Variants in SRPK2 observed in about 807,000 individuals in gnomAD.
SRPK2 encodes the protein SRSF protein kinase 2.
Under a neutral mutation model 90.8 loss-of-function variants are expected in SRPK2, and 21 were observed. The ratio of observed to expected loss-of-function variants is 0.23; its 90% confidence interval spans 0.16 to 0.33. The LOEUF (loss-of-function observed/expected upper bound fraction) is 0.33, where lower values mean the gene tolerates loss of function less well. SRPK2 is among the 10% of genes least tolerant of loss of function. The pLI is 1.00. For synonymous variants in SRPK2, 288 were observed against 311.1 expected (o/e 0.93, Z 0.78); for missense variants, 620 against 869.0 (o/e 0.71, Z 3.60).
Position 105,165,755 on chromosome 7 carries a change from C to T in SRPK2, c.514+1622G>A, listed in dbSNP as rs185196540. Among the ~76,000 whole-genome samples the T allele has an allele frequency of 3.3e-5, 5 of 152,308 alleles. No homozygotes were observed. The East Asian group carries it at 7.7e-4, about 24-fold the overall frequency. On this transcript the variant is annotated intron_variant, in intron 6 of 15. Transcript: ENST00000393651. ...AATGAGGGAATAAAAGCTGGCCACCCGAACCAGCAGCAGCAACCTGCTTGG... is the reference window on the plus strand; with the variant it reads ...AATGAGGGAATAAAAGCTGGCCACCTGAACCAGCAGCAGCAACCTGCTTGG...
At chr7:105,208,975 T>G (rs1302475262) in intron 2 of SRPK2, among the ~76,000 whole-genome samples, 10 of 151,234 alleles carry the variant, frequency 6.6e-5, no homozygotes, top group African/African-American at 2.4e-4. Flanking sequence ...AACAATAAAT[T>G]TTTAAAAAAA....
At chr7:105,393,551 A>G (rs2132912079), upstream of SRPK2, among the ~76,000 whole-genome samples, 1 of 137,882 alleles carries the variant, frequency 7.3e-6, no homozygotes, top group South Asian at 2.3e-4. Flanking sequence ...TTTTGGTATC[A>G]ATATTGACAA....
intron 2 of SRPK2, among the ~76,000 whole-genome samples, chr7:105,318,999 C>A (rs764200995): frequency 2.2e-4 from 33 of 152,160 alleles, no homozygotes; most frequent in Admixed American, 4.6e-4. Context: ...AAACAAAACC[C>A]AAGCAATATT....
At chr7:105,197,056 T>C (rs1382258424) in intron 3 of SRPK2, among the ~76,000 whole-genome samples, 1 of 150,786 alleles carries the variant, frequency 6.6e-6, no homozygotes, top group Non-Finnish European at 1.5e-5. Flanking sequence ...TCATAAAAAA[T>C]AAAATAAAAT....
chr7:105,280,361 G>A (rs947996773), intron 2 of SRPK2, among the ~76,000 whole-genome samples: 1 of 151,554 alleles, frequency 6.6e-6, no homozygotes, highest in South Asian at 2.1e-4. Context: ...GTTGCAGTGA[G>A]AGCGAAGACT....
intron 2 of SRPK2, chr7:105,244,705 C>A: frequency 8.7e-7 from 1 of 1,151,290 alleles, no homozygotes; most frequent in Non-Finnish European, 1.3e-6. Context: ...AAAAGGTGAC[C>A]AAGAACGTGA....
At chr7:105,128,001 C>T (rs1380749456) in intron 13 of SRPK2, among the ~76,000 whole-genome samples, 1 of 152,174 alleles carries the variant, frequency 6.6e-6, no homozygotes, top group Non-Finnish European at 1.5e-5. Flanking sequence ...ACTGGGGAAA[C>T]TTCACTGCAT....
At chr7:105,125,851 G>C (rs1229707530) in intron 15 of SRPK2, 1 of 1,301,226 alleles carries the variant, frequency 7.7e-7, no homozygotes, top group Non-Finnish European at 1.0e-6. Flanking sequence ...TTCCCCAGCA[G>C]TTCAATGATC....
intron 3 of SRPK2, among the ~76,000 whole-genome samples, chr7:105,202,039 C>G (rs897125206): frequency 6.6e-6 from 1 of 152,096 alleles, no homozygotes; most frequent in South Asian, 2.1e-4. Context: ...TCTATCTTTT[C>G]TTTTACTAGA....
At chr7:105,248,848 C>T (rs1051206149) in intron 2 of SRPK2, among the ~76,000 whole-genome samples, 3 of 151,460 alleles carry the variant, frequency 2.0e-5, no homozygotes, top group Non-Finnish European at 2.9e-5. Flanking sequence ...ACGGCGTGAA[C>T]CCGGGAGGCA....
intron 2 of SRPK2, among the ~76,000 whole-genome samples, chr7:105,311,074 G>A (rs1302863561): frequency 6.6e-6 from 1 of 151,828 alleles, no homozygotes; most frequent in Non-Finnish European, 1.5e-5. Flanking sequence ...GCTGTTTTGG[G>A]CATCAAAGGA....
intron 2 of SRPK2, among the ~76,000 whole-genome samples, chr7:105,342,376 A>C (rs1815927004): frequency 6.6e-6 from 1 of 150,980 alleles, no homozygotes; most frequent in Admixed American, 6.6e-5. Flanking sequence ...AAATAAAAAT[A>C]TAAATGGGAA....
intron 2 of SRPK2, chr7:105,268,966 A>G (rs1377753050): frequency 1.4e-6 from 2 of 1,430,892 alleles, no homozygotes; most frequent in Non-Finnish European, 1.9e-6. Flanking sequence ...TTTTGTTCAG[A>G]ATGAGGCCAC....
At chr7:105,134,737 G>T (rs1802548157) in intron 11 of SRPK2, among the ~76,000 whole-genome samples, 1 of 152,200 alleles carries the variant, frequency 6.6e-6, no homozygotes, top group Non-Finnish European at 1.5e-5. Context: ...AGGACCTAGG[G>T]TGCCCACACA....
chr7:105,169,665 T>A (rs1458288834), intron 3 of SRPK2, among the ~76,000 whole-genome samples: 2 of 152,144 alleles, frequency 1.3e-5, no homozygotes, highest in African/African-American at 4.8e-5. Context: ...AGGTGGAGGC[T>A]GCAATGAGCC....
intron 2 of SRPK2, 37 bp downstream of exon 2, chr7:105,388,611 G>C (rs1381139257): frequency 6.4e-7 from 1 of 1,556,920 alleles, no homozygotes; most frequent in East Asian, 2.5e-5. Flanking sequence ...CGACGGGGCG[G>C]GGGTGGGGAA....
intron 2 of SRPK2, among the ~76,000 whole-genome samples, chr7:105,369,130 TA>T (rs1819422305): frequency 2.2e-5 from 1 of 45,708 alleles, no homozygotes; most frequent in African/African-American, 5.5e-5. Context: ...TTTATTTTAT[TA>T]TTATTATTAT....
intron 5 of SRPK2, 137 bp downstream of exon 5, chr7:105,167,871 A>C (rs1035416084): frequency 5.9e-6 from 4 of 676,748 alleles, no homozygotes; most frequent in Non-Finnish European, 9.8e-6. Flanking sequence ...TTGGCCTCCC[A>C]AAGTGCTGAG....
chr7:105,160,814 A>G (rs1807500380), intron 6 of SRPK2, among the ~76,000 whole-genome samples: 1 of 152,252 alleles, frequency 6.6e-6, no homozygotes, highest in Admixed American at 6.5e-5. Flanking sequence ...GGTGTTTCCC[A>G]GTATCTCAGG....
Sources: gnomAD v4.1 joint callset for allele counts (sites outside exome capture counted in the v4.1 genomes callset) on GRCh38, gnomAD v4.1.1 for gene constraint, MANE v1.5 for transcripts, NCBI Gene and HGNC (gene_info 2026-07-23, HGNC 2026-07-21) for gene names.